The following ZNF257 variants were observed in gnomAD, a reference collection of about 807,000 sequenced individuals.
The protein encoded by ZNF257 is zinc finger protein 257.
A neutral mutation model predicts 11.9 loss-of-function variants in ZNF257; 12 were observed. That is an observed-to-expected ratio of 1.01 (90% CI 0.65 to 1.63). ZNF257 has a LOEUF of 1.63. Among genes scored for constraint, ZNF257 ranks in the 40% most tolerant of loss-of-function variants. The pLI is 0.00. For synonymous variants in ZNF257, 183 were observed against 222.7 expected (o/e 0.82, Z 1.59); for missense variants, 580 against 665.5 (o/e 0.87, Z 1.41).
At chr19:22,056,246 G>A (rs1226637330) in intron 1 of ZNF257, among the ~76,000 whole-genome samples, 1 of 152,054 alleles carries the variant, frequency 6.6e-6, no homozygotes, top group Non-Finnish European at 1.5e-5. Context: ...GAACTCAGGA[G>A]TTTGAGACTA....
At chr19:22,066,525 C>T (rs1375045742) in intron 1 of ZNF257, 1 of 152,284 alleles carries the variant, frequency 6.6e-6, no homozygotes, top group Non-Finnish European at 1.5e-5. Flanking sequence ...ACACTGGTGA[C>T]CAGGGGAGGG....
intron 3 of ZNF257, among the ~76,000 whole-genome samples, chr19:22,085,328 C>T (rs1172455032): frequency 6.6e-6 from 1 of 152,096 alleles, no homozygotes; most frequent in Admixed American, 6.5e-5. Flanking sequence ...CGTGGCCTCC[C>T]AAAGTGCTGA....
chr19:22,056,024 C>T lies in ZNF257; in HGVS notation c.3+3389C>T, dbSNP rs540350961. Among the ~76,000 whole-genome samples, 366 of 144,170 alleles carry T rather than the reference C, an allele frequency of 2.5e-3. 1 individual carries two copies. The highest frequency in any genetic ancestry group is 9.1e-3 in the African/African-American group (353 of 38,580). The allele number at this position is 144,170 out of a possible 152,430, so 94.6% of individuals were successfully genotyped here. ...GAGCCGAGATCGCACCACTGCACTC[C>T]AGCCTGGGCGACAGAGCGAGACTCC... On this transcript the variant is annotated intron_variant, in intron 1 of 3. Coordinates refer to ENST00000594947, the MANE Select transcript of ZNF257 (RefSeq NM_033468.4).
chr19:22,081,898 G>A (rs1364736746), intron 3 of ZNF257, among the ~76,000 whole-genome samples: 1 of 151,916 alleles, frequency 6.6e-6, no homozygotes, highest in African/African-American at 2.4e-5. Flanking sequence ...ATTGTTTTAT[G>A]TGCTCTTATA....
rs1365268456 is a variant in ZNF257 at position 22,088,147 on chromosome 19, C to T, written c.397C>T (p.Leu133Phe). ...GGTGTGCAAAGGAGGTTATAATGGA[C>T]TTAACCAATGTCTGATAACTACCCA... ...CKVCKGGYNG[L>F]NQCLITTQSK... Residue 133 changes from leucine (L) to phenylalanine (F), a missense_variant, in exon 4 of 4, where the codon CTT (leucine) becomes TTT (phenylalanine). Physicochemically the swap from Leu to Phe is conservative, Grantham distance 22. Transcript: ENST00000594947. 1 of 1,609,086 alleles carries T rather than the reference C, an allele frequency of 6.2e-7. No individual in the cohort carries two copies. Among genetic ancestry groups the T allele is most frequent in the African/African-American group, 1.3e-5 (1 of 74,682 alleles).
At chr19:22,052,699 C>A in intron 1 of ZNF257, 64 bp downstream of exon 1, 2 of 1,586,054 alleles carry the variant, frequency 1.3e-6, no homozygotes, top group Middle Eastern at 1.7e-4. Flanking sequence ...TGTGGGAAGT[C>A]GCTGTGGCGG....
chr19:22,070,687 A>G (rs189932548), intron 1 of ZNF257, among the ~76,000 whole-genome samples: 29 of 152,276 alleles, frequency 1.9e-4, no homozygotes, highest in Non-Finnish European at 3.8e-4. Flanking sequence ...GTGTTGTGAC[A>G]AGAGTGCTGA....
chr19:22,074,677 TA>T (rs1317063915), intron 3 of ZNF257: 1 of 152,156 alleles, frequency 6.6e-6, no homozygotes, highest in African/African-American at 2.4e-5. Flanking sequence ...AATGCTATTG[TA>T]AATAAGATTT....
intron 1 of ZNF257, among the ~76,000 whole-genome samples, chr19:22,053,609 C>A (rs1599655932): frequency 6.6e-6 from 1 of 152,006 alleles, no homozygotes; most frequent in East Asian, 1.9e-4. Flanking sequence ...AATTTTGTTT[C>A]CCCCAATTTA....
chr19:22,089,816 G>A lies in ZNF257; in HGVS notation c.*374G>A, dbSNP rs534734638. 104 of 259,242 alleles carry A rather than the reference G, an allele frequency of 4.0e-4. 1 individual carries two copies. The highest frequency in any genetic ancestry group is 2.3e-3 in the African/African-American group (103 of 44,398). 16.1% of individuals were successfully genotyped at this position (259,242 alleles called of 1,614,324 possible). A position where few individuals can be genotyped will look rare whatever the true frequency, so the allele number is the denominator to read the frequency against. On this transcript the variant is annotated 3_prime_UTR_variant, in exon 4 of 4. Transcript: ENST00000594947. ...AAGAATGTCACAAAGCCCTTAATAA[G>A]TCCTCAATTCTTAACAGATATAAGA...
At chr19:22,087,268 T>C (rs1430810247) in intron 3 of ZNF257, among the ~76,000 whole-genome samples, 2 of 151,980 alleles carry the variant, frequency 1.3e-5, no homozygotes, top group African/African-American at 4.8e-5. Context: ...ATCTTTACAA[T>C]GTAGCTTTAT....
chr19:22,059,049 A>G (rs1020845127), intron 1 of ZNF257, among the ~76,000 whole-genome samples: 40 of 152,320 alleles, frequency 2.6e-4, no homozygotes, highest in Middle Eastern at 3.4e-3. Context: ...GCATGAACCC[A>G]GAAATAAATT....
intron 3 of ZNF257, among the ~76,000 whole-genome samples, chr19:22,075,052 C>A (rs1168021614): frequency 6.8e-6 from 1 of 146,908 alleles, no homozygotes; most frequent in Non-Finnish European, 1.5e-5. Context: ...AGATCTTCTT[C>A]CATTGGGCCC....
chr19:22,067,849 T>A (rs2021994764), intron 1 of ZNF257, among the ~76,000 whole-genome samples: 1 of 144,662 alleles, frequency 6.9e-6, no homozygotes, highest in African/African-American at 2.9e-5. Flanking sequence ...AAATAAAAAA[T>A]AAAAAATAAA....
intron 1 of ZNF257, among the ~76,000 whole-genome samples, chr19:22,069,167 A>G (rs2022034745): frequency 6.6e-6 from 1 of 152,158 alleles, no homozygotes; most frequent in Non-Finnish European, 1.5e-5. Context: ...AGAATAATAG[A>G]TGTAGCAGTC....
intron 3 of ZNF257, among the ~76,000 whole-genome samples, chr19:22,080,038 G>A (rs1361227958): frequency 6.6e-6 from 1 of 152,036 alleles, no homozygotes; most frequent in Non-Finnish European, 1.5e-5. Context: ...GGAGTGCAGT[G>A]GCATGATTTT....
intron 1 of ZNF257, among the ~76,000 whole-genome samples, chr19:22,070,348 A>G (rs2022072072): frequency 6.6e-6 from 1 of 151,112 alleles, no homozygotes; most frequent in African/African-American, 2.4e-5. Flanking sequence ...ATAAAAAATT[A>G]ATGACAGAGA....
chr19:22,073,014 T>G, intron 2 of ZNF257, 79 bp downstream of exon 2: 2 of 1,383,558 alleles, frequency 1.4e-6, no homozygotes, highest in Non-Finnish European at 1.9e-6. Flanking sequence ...TTGTAGAATG[T>G]TTTTTGGTAA....
At chr19:22,066,184 C>T (rs11880299) in intron 1 of ZNF257, 7,323 of 153,316 alleles carry the variant, frequency 0.048, 592 homozygotes, top group African/African-American at 0.17. Context: ...ATGCGTATCC[C>T]GTGGTGTCTT....
Sources: gnomAD v4.1 joint callset for allele counts (sites outside exome capture counted in the v4.1 genomes callset) on GRCh38, gnomAD v4.1.1 for gene constraint, MANE v1.5 for transcripts, NCBI Gene and HGNC (gene_info 2026-07-23, HGNC 2026-07-21) for gene names.